CHN1: variants seen among roughly 807,000 people sequenced by gnomAD.
The protein encoded by CHN1 is chimerin 1.
Under a neutral mutation model 59.5 loss-of-function variants are expected in CHN1, and 37 were observed. That is an observed-to-expected ratio of 0.62 (90% CI 0.48 to 0.82). The LOEUF (loss-of-function observed/expected upper bound fraction) is 0.82, where lower values mean the gene tolerates loss of function less well. CHN1 is among the 40% of genes least tolerant of loss of function. The pLI is 0.00. For missense variants in CHN1, 469 were observed against 571.0 expected, an observed-to-expected ratio of 0.82 and a Z score of 1.82; for synonymous variants, 206 against 200.4, an observed-to-expected ratio of 1.03 and a Z score of -0.24.
At position 174,895,616 on chromosome 2, in the gene CHN1, T is replaced by C. The variant is rs79044168; in HGVS notation, c.261-17488A>G. ...GGTACAGAACCAAAAAGATAATCCA[T>C]TGAGACAAGTTAATAACTGCCCTTC... On this transcript the variant is annotated intron_variant, in intron 5 of 12. Transcript: ENST00000409900. Among the ~76,000 whole-genome samples, 1,233 of 152,208 alleles carry C rather than the reference T, an allele frequency of 8.1e-3. 9 individuals carry two copies. Among genetic ancestry groups the C allele is most frequent in the Non-Finnish European group, 0.015 (1,011 of 67,970 alleles).
chr2:174,829,574 G>C (rs1356636426), intron 7 of CHN1, among the ~76,000 whole-genome samples: 1 of 152,214 alleles, frequency 6.6e-6, no homozygotes. Context: ...AATCTTCATT[G>C]TTCCTTTCAA....
Position 174,947,092 on chromosome 2 carries a change from T to A in CHN1, c.59-2149A>T, listed in dbSNP as rs548693228. On this transcript the variant is annotated intron_variant, in intron 2 of 12. Transcript: ENST00000409900. ...CCCAATTCTGAGAACTGAATGATAGTCAAGAAGAACATTAAAAGTTAATAC... is the reference window on the plus strand; with the variant it reads ...CCCAATTCTGAGAACTGAATGATAGACAAGAAGAACATTAAAAGTTAATAC... Among the ~76,000 whole-genome samples, 6 of 152,220 alleles carry A rather than the reference T, an allele frequency of 3.9e-5. No homozygotes were observed. The East Asian group carries it at 1.2e-3, about 29-fold the overall frequency.
intron 8 of CHN1, among the ~76,000 whole-genome samples, chr2:174,816,040 G>A (rs1685244477): frequency 6.6e-6 from 1 of 152,162 alleles, no homozygotes; most frequent in South Asian, 2.1e-4. Context: ...TGCAGGTAGG[G>A]TGGAAGTCAA....
intron 8 of CHN1, among the ~76,000 whole-genome samples, chr2:174,819,656 CTTGA>C (rs1044801762): frequency 9.2e-5 from 14 of 151,768 alleles, no homozygotes; most frequent in African/African-American, 3.4e-4. Flanking sequence ...ATCCTTTGAA[CTTGA>C]TTTTTTTATT....
intron 7 of CHN1, among the ~76,000 whole-genome samples, chr2:174,824,778 T>C (rs981088165): frequency 6.6e-6 from 1 of 151,996 alleles, no homozygotes; most frequent in African/African-American, 2.4e-5. Flanking sequence ...ACCCAGATAA[T>C]TTTTGTATTT....
intron 5 of CHN1, among the ~76,000 whole-genome samples, chr2:174,905,038 C>G (rs902524060): frequency 2.0e-5 from 3 of 152,018 alleles, no homozygotes; most frequent in African/African-American, 7.2e-5. Flanking sequence ...AAAGATAATT[C>G]ACATATTTAC....
At chr2:174,874,132 AATTAT>A (rs1687488749) in intron 6 of CHN1, among the ~76,000 whole-genome samples, 1 of 152,206 alleles carries the variant, frequency 6.6e-6, no homozygotes, top group South Asian at 2.1e-4. Flanking sequence ...GGGAAATTGA[AATTAT>A]ATTATTAAGT....
At chr2:174,961,018 C>T (rs1234802178) in intron 1 of CHN1, among the ~76,000 whole-genome samples, 1 of 149,904 alleles carries the variant, frequency 6.7e-6, no homozygotes, top group African/African-American at 2.4e-5. Flanking sequence ...GTCCCAGCTA[C>T]ACAGGAAACT....
chr2:174,915,180 CA>C lies in CHN1; in HGVS notation c.147-10del. On this transcript the variant is annotated splice_polypyrimidine_tract_variant and intron_variant, in intron 4 of 12. Transcript: ENST00000409900. ...AGATCATGCCATGAAACCTAAGAAA[CA>C]AAGTCTATTCAGAAACTGTGCTTTC... The C allele has an allele frequency of 6.3e-7, 1 of 1,595,268 alleles. No individual in the cohort carries two copies. The highest frequency in any genetic ancestry group is 8.6e-7 in the Non-Finnish European group (1 of 1,167,588).
chr2:174,828,527 C>T (rs977918917), intron 7 of CHN1, among the ~76,000 whole-genome samples: 2 of 152,202 alleles, frequency 1.3e-5, no homozygotes, highest in African/African-American at 4.8e-5. Context: ...AGTTGTGCTG[C>T]TCCATCTAGC....
intron 8 of CHN1, among the ~76,000 whole-genome samples, chr2:174,814,946 G>T (rs1195597230): frequency 6.6e-6 from 1 of 151,924 alleles, no homozygotes; most frequent in Non-Finnish European, 1.5e-5. Context: ...CCATATTTGG[G>T]GAGTTTTCAG....
chr2:174,995,487 G>A (rs566744570), intron 1 of CHN1, among the ~76,000 whole-genome samples: 1 of 152,260 alleles, frequency 6.6e-6, no homozygotes, highest in African/African-American at 2.4e-5. Context: ...CATGCAAAGG[G>A]AATGTTTTGG....
intron 4 of CHN1, among the ~76,000 whole-genome samples, chr2:174,917,821 A>C (rs1256046248): frequency 1.3e-5 from 2 of 152,136 alleles, no homozygotes. Flanking sequence ...GTCAGAAAAA[A>C]CAAACAATTT....
At chr2:174,849,996 G>T (rs1173765032) in intron 6 of CHN1, among the ~76,000 whole-genome samples, 1 of 152,212 alleles carries the variant, frequency 6.6e-6, no homozygotes, top group African/African-American at 2.4e-5. Context: ...CAGACTAGCA[G>T]TAATTATCAA....
chr2:174,880,818 C>T (rs977734715), intron 5 of CHN1, among the ~76,000 whole-genome samples: 2 of 152,056 alleles, frequency 1.3e-5, no homozygotes, highest in Non-Finnish European at 2.9e-5. Flanking sequence ...GAGGCTGAGG[C>T]GGGCGGATCA....
At chr2:174,898,021 GACTA>G (rs79132418) in intron 5 of CHN1, among the ~76,000 whole-genome samples, 1 of 152,108 alleles carries the variant, frequency 6.6e-6, no homozygotes, top group Non-Finnish European at 1.5e-5. Context: ...TGGCTCCCTA[GACTA>G]ACTACTACAT....
At chr2:174,954,543 A>C (rs1381568768) in intron 1 of CHN1, among the ~76,000 whole-genome samples, 1 of 152,234 alleles carries the variant, frequency 6.6e-6, no homozygotes, top group Non-Finnish European at 1.5e-5. Flanking sequence ...CAATCTATAC[A>C]TCCGACAAAG....
In CHN1 at chr2:174,799,671, C is replaced by T; in HGVS notation, c.*445G>A. 1.9e-6 allele frequency: 1 copy of T among 533,346 alleles called. No homozygotes were observed. The highest frequency in any genetic ancestry group is 3.6e-6 in the Non-Finnish European group (1 of 275,826). 33.0% of individuals were successfully genotyped at this position (533,346 alleles called of 1,614,324 possible). A position where few individuals can be genotyped will look rare whatever the true frequency, so the allele number is the denominator to read the frequency against. On this transcript the variant is annotated 3_prime_UTR_variant, in exon 13 of 13. Coordinates refer to ENST00000409900, the MANE Select transcript of CHN1 (RefSeq NM_001822.7). ...TATGGTAATGTAACAGCCAGAGGTG[C>T]TGTTTTATCCATTTGTGTGTGCGTG...
chr2:174,973,787 T>C (rs2105441084), intron 1 of CHN1, among the ~76,000 whole-genome samples: 1 of 152,350 alleles, frequency 6.6e-6, no homozygotes, highest in Non-Finnish European at 1.5e-5. Context: ...CCAGGGCACG[T>C]CAATTGGACA....
Sources: gnomAD v4.1 joint callset for allele counts (sites outside exome capture counted in the v4.1 genomes callset) on GRCh38, gnomAD v4.1.1 for gene constraint, MANE v1.5 for transcripts, NCBI Gene and HGNC (gene_info 2026-07-23, HGNC 2026-07-21) for gene names.